RASSF8: variants seen among roughly 807,000 people sequenced by gnomAD.
RASSF8 encodes Ras association domain family member 8.
In RASSF8, 22 loss-of-function variants were observed where a neutral mutation model predicts 48.5. That is an observed-to-expected ratio of 0.45 (90% CI 0.32 to 0.65). The LOEUF (loss-of-function observed/expected upper bound fraction) is 0.65. Ranked by LOEUF, RASSF8 falls within the 30% of genes least tolerant of loss-of-function variation. The probability of loss-of-function intolerance (pLI) is 0.03; values close to 1 mark genes in which losing one functional copy is unlikely to be tolerated. For synonymous variants in RASSF8, 127 were observed against 171.5 expected (o/e 0.74, Z 2.03); for missense variants, 418 against 489.2 (o/e 0.85, Z 1.37).
intron 2 of RASSF8, 34 bp from the exon 3 acceptor site, chr12:26,055,202 A>C (rs1180243505): frequency 4.6e-6 from 3 of 656,016 alleles, no homozygotes; most frequent in Non-Finnish European, 8.3e-6. Context: ...ATGTTGATTC[A>C]TTTTATTACA....
intron 2 of RASSF8, among the ~76,000 whole-genome samples, chr12:26,026,036 C>T (rs541398754): frequency 5.9e-5 from 9 of 152,164 alleles, no homozygotes; most frequent in Middle Eastern, 3.4e-3. Context: ...AACTCATAGA[C>T]GTAAACTTAG....
At chr12:25,967,399 A>G (rs1261825880) in intron 1 of RASSF8, among the ~76,000 whole-genome samples, 3 of 152,086 alleles carry the variant, frequency 2.0e-5, no homozygotes, top group Non-Finnish European at 4.4e-5. Flanking sequence ...AATGTTTCCT[A>G]TTGATAATTA....
chr12:26,039,574 A>G lies in RASSF8; in HGVS notation c.-108-15662A>G, dbSNP rs901676508. Among the ~76,000 whole-genome samples, 6 of 151,954 alleles carry G rather than the reference A, an allele frequency of 3.9e-5. No individual in the cohort carries two copies. The East Asian group carries it at 9.6e-4, about 24-fold the overall frequency. On this transcript the variant is annotated intron_variant, in intron 2 of 5. Coordinates refer to ENST00000689635, the MANE Select transcript of RASSF8 (RefSeq NM_001394098.1). ...TCAACACTATTTGAATTTTTCAGAG[A>G]AAAAAAACCCAGAAGGTGTTATCTC...
Position 25,987,566 on chromosome 12 carries a change from G to T in RASSF8, c.-202-7471G>T, listed in dbSNP as rs1028524189. 2.6e-5 allele frequency among the ~76,000 whole-genome samples: 4 copies of T among 152,220 alleles called. No homozygotes were observed. In the South Asian group the frequency reaches 8.3e-4, roughly 32 times the overall value. ...AAACCTAAGGATAATTTTTTCTTCAGCTTGAAGTGGCTTTATTGTTTATGC... is the reference window on the plus strand; with the variant it reads ...AAACCTAAGGATAATTTTTTCTTCATCTTGAAGTGGCTTTATTGTTTATGC... On this transcript the variant is annotated intron_variant, in intron 1 of 5. Transcript: ENST00000689635.
At chr12:26,002,922 A>G (rs1392454360) in intron 2 of RASSF8, among the ~76,000 whole-genome samples, 1 of 152,200 alleles carries the variant, frequency 6.6e-6, no homozygotes, top group East Asian at 1.9e-4. Flanking sequence ...GATGTTTATT[A>G]TTTTAGCACA....
At chr12:26,073,642 G>A (rs1420769953), downstream of RASSF8, among the ~76,000 whole-genome samples, 1 of 151,848 alleles carries the variant, frequency 6.6e-6, no homozygotes, top group Non-Finnish European at 1.5e-5. Context: ...AGGAGGCTGA[G>A]GTGGGAGAAC....
intron 2 of RASSF8, among the ~76,000 whole-genome samples, chr12:26,015,718 A>ATT: frequency 6.6e-6 from 1 of 152,194 alleles, no homozygotes; most frequent in East Asian, 1.9e-4. Context: ...TAGCGGACCT[A>ATT]TTGTGTTGTA....
exon 6 of RASSF8, chr12:26,079,093 G>A: frequency 6.6e-7 from 1 of 1,520,270 alleles, no homozygotes; most frequent in Non-Finnish European, 8.9e-7. Context: ...CAAAAGCTCA[G>A]GCAAGAAAAG....
At chr12:26,027,540 T>C (rs1942941826) in intron 2 of RASSF8, among the ~76,000 whole-genome samples, 1 of 152,238 alleles carries the variant, frequency 6.6e-6, no homozygotes, top group African/African-American at 2.4e-5. Context: ...AATGCTTTCA[T>C]GTTTTCATGA....
At chr12:26,058,506 T>G (rs1420830620) in intron 3 of RASSF8, among the ~76,000 whole-genome samples, 1 of 149,558 alleles carries the variant, frequency 6.7e-6, no homozygotes, top group African/African-American at 2.5e-5. Flanking sequence ...CTTTGCCTCA[T>G]GGGGGCACTA....
chr12:25,994,278 T>A (rs113915023), intron 1 of RASSF8, among the ~76,000 whole-genome samples: 40 of 139,038 alleles, frequency 2.9e-4, no homozygotes, highest in African/African-American at 7.0e-4. Flanking sequence ...GATAGATTTT[T>A]AAAAAAAAAA....
At chr12:26,060,631 G>A (rs148596371) in intron 3 of RASSF8, among the ~76,000 whole-genome samples, 256 of 152,242 alleles carry the variant, frequency 1.7e-3, no homozygotes, top group African/African-American at 5.7e-3. Context: ...AGAGATCAAC[G>A]CTTACTGTAA....
intron 1 of RASSF8, among the ~76,000 whole-genome samples, chr12:25,962,851 C>A (rs1477318006): frequency 6.6e-6 from 1 of 152,082 alleles, no homozygotes; most frequent in Non-Finnish European, 1.5e-5. Context: ...ACGGCCTTTG[C>A]AAATATCAGG....
At chr12:26,027,898 G>T (rs1485518138) in intron 2 of RASSF8, among the ~76,000 whole-genome samples, 1 of 152,164 alleles carries the variant, frequency 6.6e-6, no homozygotes, top group Non-Finnish European at 1.5e-5. Flanking sequence ...GACCAGATGG[G>T]TGGGAGAAGC....
chr12:25,989,851 G>A (rs1387412554), intron 1 of RASSF8, among the ~76,000 whole-genome samples: 1 of 152,082 alleles, frequency 6.6e-6, no homozygotes, highest in Non-Finnish European at 1.5e-5. Flanking sequence ...CATGGGATAG[G>A]TGAATTTACC....
In RASSF8 at chr12:25,964,092, C is replaced by T. The variant is rs79300995; in HGVS notation, c.-203+4944C>T. ...CTGTGCCTGCAGGACATTCGCATCA[C>T]GAGTAGCTGCCACTGTGGAGGAGAG... On this transcript the variant is annotated intron_variant, in intron 1 of 5. Transcript: ENST00000689635. Among the ~76,000 whole-genome samples, 16 of 152,264 alleles carry T rather than the reference C, an allele frequency of 1.1e-4. No individual in the cohort carries two copies. The East Asian group carries it at 2.5e-3, about 24-fold the overall frequency.
chr12:25,983,840 T>C (rs569361402), intron 1 of RASSF8, among the ~76,000 whole-genome samples: 5 of 152,284 alleles, frequency 3.3e-5, no homozygotes, highest in Admixed American at 1.3e-4. Context: ...ATGCAGTCAG[T>C]GTGGCTGCTG....
chr12:26,026,686 T>G (rs577275909), intron 2 of RASSF8, among the ~76,000 whole-genome samples: 29 of 152,282 alleles, frequency 1.9e-4, no homozygotes, highest in Non-Finnish European at 3.8e-4. Flanking sequence ...TCCGCCCACC[T>G]CGGCCCCCCA....
intron 1 of RASSF8, among the ~76,000 whole-genome samples, chr12:25,994,547 A>G (rs1942088104): frequency 6.6e-6 from 1 of 152,228 alleles, no homozygotes; most frequent in Non-Finnish European, 1.5e-5. Context: ...AGTCAGTAGT[A>G]GGAATTTGTA....
Sources: gnomAD v4.1 joint callset for allele counts (sites outside exome capture counted in the v4.1 genomes callset) on GRCh38, gnomAD v4.1.1 for gene constraint, MANE v1.5 for transcripts, NCBI Gene and HGNC (gene_info 2026-07-23, HGNC 2026-07-21) for gene names.